The following DSG3 variants were observed in gnomAD, a reference collection of about 807,000 sequenced individuals.
DSG3 encodes desmoglein-3.
DSG3 carries 63 observed loss-of-function variants against 85.9 expected under a neutral mutation model. The ratio of observed to expected loss-of-function variants is 0.73; its 90% CI spans 0.60 to 0.90. The LOEUF (loss-of-function observed/expected upper bound fraction) is 0.90, where lower values mean the gene tolerates loss of function less well. Ranked by LOEUF, DSG3 falls within the 40% of genes least tolerant of loss-of-function variation. DSG3 has a pLI of 0.00. For missense variants in DSG3, 1,220 were observed against 1,219.9 expected, an observed-to-expected ratio of 1.00 and a Z score of 0.00; for synonymous variants, 447 against 441.9, an observed-to-expected ratio of 1.01 and a Z score of -0.14.
intron 7 of DSG3, 96 bp from the exon 8 acceptor site, chr18:31,461,131 A>G (rs1389503372): frequency 7.9e-7 from 1 of 1,265,180 alleles, no homozygotes; most frequent in Non-Finnish European, 1.1e-6. Context: ...AAGGAAATAC[A>G]TAATTTGAGA....
chr18:31,472,471 T>C (rs2072862100), intron 13 of DSG3, 48 bp downstream of exon 13: 1 of 1,579,680 alleles, frequency 6.3e-7, no homozygotes, highest in Non-Finnish European at 8.6e-7. Context: ...ATAGAGAAAA[T>C]GTTTGATTTA....
At chr18:31,451,795 C>T (rs1470569720) in intron 1 of DSG3, among the ~76,000 whole-genome samples, 3 of 152,172 alleles carry the variant, frequency 2.0e-5, no homozygotes, top group Non-Finnish European at 2.9e-5. Context: ...TACCTGAAAC[C>T]GGTTTTCATC....
At position 31,464,189 on chromosome 18, in the gene DSG3, A is replaced by C; in HGVS notation, c.1078A>C (p.Ile360Leu). Reference sequence around the variant, plus strand: ...CAAAGCTGAATTTCACCAATCAGTTATCTCTCGATACCGAGTTCAGTCAAC... The same window carrying C: ...CAAAGCTGAATTTCACCAATCAGTTCTCTCTCGATACCGAGTTCAGTCAAC... The part of the protein sequence containing the change: ...KNKAEFHQSV[I>L]SRYRVQSTPV... The change falls in exon 9 of 16, where the codon ATC becomes CTC. Residue 360 changes from isoleucine (I) to leucine (L), a missense_variant. By Grantham distance (5) the Ile-to-Leu change is conservative (BLOSUM62 2). Transcript: ENST00000257189. 6.2e-7 allele frequency: 1 copy of C among 1,614,162 alleles called. No homozygotes were observed. The highest frequency in any genetic ancestry group is 8.5e-7 in the Non-Finnish European group (1 of 1,180,008).
Position 31,469,209 on chromosome 18 carries a change from T to G in DSG3, c.1757T>G (p.Val586Gly), listed in dbSNP as rs922534850. 39 of 1,614,008 alleles carry G rather than the reference T, an allele frequency of 2.4e-5. No homozygotes were observed. The highest frequency in any genetic ancestry group is 3.1e-5 in the Non-Finnish European group (37 of 1,180,032). The change falls in exon 12 of 16, where the codon GTC (valine) becomes GGC (glycine). Residue 586 changes from valine to glycine, a missense_variant. By Grantham distance (109) the Val-to-Gly change is moderately radical (BLOSUM62 -3). Transcript: ENST00000257189. ...CEMPRSLTLEVCQCDNRGICG... is the reference protein window; with the variant it reads ...CEMPRSLTLEGCQCDNRGICG... ...ATGCCACGCAGCTTGACACTGGAAGTCTGTCAGTGTGACAACAGGGGCATC... is the reference window on the plus strand; with the variant it reads ...ATGCCACGCAGCTTGACACTGGAAGGCTGTCAGTGTGACAACAGGGGCATC...
intron 10 of DSG3, among the ~76,000 whole-genome samples, chr18:31,465,835 T>C (rs767639599): frequency 9.9e-5 from 15 of 152,202 alleles, no homozygotes; most frequent in Non-Finnish European, 2.1e-4. Flanking sequence ...TCATGTACTT[T>C]TATCATTGAA....
intron 11 of DSG3, 117 bp downstream of exon 11, chr18:31,466,871 A>T (rs1215959194): frequency 1.2e-6 from 1 of 825,134 alleles, no homozygotes; most frequent in Non-Finnish European, 1.9e-6. Flanking sequence ...AATTCTTTGC[A>T]ATGAAGATGT....
In DSG3 at chr18:31,477,696, T is replaced by C. The variant is rs1405447658; in HGVS notation, c.*1436T>C. On this transcript the variant is annotated 3_prime_UTR_variant, in exon 16 of 16. Transcript: ENST00000257189. ...GCAAAGGTTTAGATGTATCACTTCA[T>C]GCATGCTACCATGATAGTAATGCAG... The C allele has an allele frequency of 3.3e-5, 5 of 152,220 alleles. No homozygotes were observed. The highest frequency in any genetic ancestry group is 7.2e-5 in the African/African-American group (3 of 41,452). 9.4% of individuals were successfully genotyped at this position (152,220 alleles called of 1,614,324 possible).
At chr18:31,458,282 T>A (rs1459860904) in intron 3 of DSG3, among the ~76,000 whole-genome samples, 163 bp from the exon 4 acceptor site, 2 of 152,176 alleles carry the variant, frequency 1.3e-5, no homozygotes, top group Non-Finnish European at 2.9e-5. Flanking sequence ...AACGGTTTGA[T>A]TTTATTTCAT....
In DSG3 at chr18:31,464,342, G is replaced by C. The variant is rs1283959707; in HGVS notation, c.1231G>C (p.Ala411Pro). ...LVDYILGTYQ[A>P]IDEDTNKAAS... Reference sequence around the variant, plus strand: ...GGATTATATCCTGGGAACATATCAAGCCATCGATGAGGACACTAACAAAGC... The same window carrying C: ...GGATTATATCCTGGGAACATATCAACCCATCGATGAGGACACTAACAAAGC... The change falls in exon 9 of 16, where the codon GCC (alanine) becomes CCC (proline). Residue 411 changes from alanine (A) to proline (P), a missense_variant. By Grantham distance (27) the Ala-to-Pro change is conservative (BLOSUM62 -1). Coordinates refer to ENST00000257189, the MANE Select transcript of DSG3 (RefSeq NM_001944.3). 1 of 1,613,850 alleles carries C rather than the reference G, an allele frequency of 6.2e-7. No homozygotes were observed. The highest frequency in any genetic ancestry group is 1.3e-5 in the African/African-American group (1 of 74,910).
intron 1 of DSG3, among the ~76,000 whole-genome samples, chr18:31,453,573 C>A (rs2072724140): frequency 6.6e-6 from 1 of 152,146 alleles, no homozygotes; most frequent in Non-Finnish European, 1.5e-5. Flanking sequence ...TATCAAATTG[C>A]TTTATTTCAT....
Position 31,470,905 on chromosome 18 carries a change from T to C in DSG3, c.1898-1379T>C, listed in dbSNP as rs529660392. On this transcript the variant is annotated intron_variant, in intron 12 of 15. Coordinates refer to ENST00000257189, the MANE Select transcript of DSG3 (RefSeq NM_001944.3). ...AAGTGAAGGAGCAACAGAGAATGCA[T>C]TGGGACTAATTTGAAAGGGCTACAT... is the stretch of plus-strand genomic sequence containing the variant. Among the ~76,000 whole-genome samples the C allele has an allele frequency of 3.2e-4, 48 of 152,274 alleles. 1 individual carries two copies. The South Asian group carries it at 9.3e-3, about 30-fold the overall frequency.
chr18:31,456,548 G>T, intron 2 of DSG3, 73 bp downstream of exon 2: 1 of 781,604 alleles, frequency 1.3e-6, no homozygotes, highest in Non-Finnish European at 1.8e-6. Flanking sequence ...GTGTTTAGTA[G>T]AAATGAATAT....
At chr18:31,469,431 A>T in intron 12 of DSG3, 82 bp downstream of exon 12, 1 of 1,540,192 alleles carries the variant, frequency 6.5e-7, no homozygotes. Flanking sequence ...TCATCTGTGC[A>T]ATGGGGAAAG....
intron 8 of DSG3, among the ~76,000 whole-genome samples, chr18:31,461,755 C>T (rs1366848656): frequency 6.6e-6 from 1 of 152,114 alleles, no homozygotes; most frequent in Non-Finnish European, 1.5e-5. Context: ...ATCTCATTTG[C>T]AACAATCAGA....
In DSG3 at chr18:31,475,792, C is replaced by T; in HGVS notation, c.2532C>T (p.Ser844=). ...CSFIADDLDD[S]FLDSLGPKFK... is the part of the protein sequence containing the mutation. Reference sequence around the variant, plus strand: ...TTATTGCTGATGACCTGGATGACAGCTTCTTGGACTCACTTGGACCCAAAT... The same window carrying T: ...TTATTGCTGATGACCTGGATGACAGTTTCTTGGACTCACTTGGACCCAAAT... Residue 844 remains serine (S), a synonymous_variant, in exon 16 of 16, where the codon AGC becomes AGT. Coordinates refer to ENST00000257189, the MANE Select transcript of DSG3 (RefSeq NM_001944.3). 1.9e-6 allele frequency: 3 copies of T among 1,614,164 alleles called. No homozygotes were observed. The highest frequency in any genetic ancestry group is 1.1e-5 in the South Asian group (1 of 91,074).
chr18:31,470,003 A>G (rs997515350), intron 12 of DSG3, among the ~76,000 whole-genome samples: 12 of 152,124 alleles, frequency 7.9e-5, no homozygotes, highest in African/African-American at 2.9e-4. Context: ...AAGTTTATTA[A>G]ACACATTTAG....
At chr18:31,465,614 G>A (rs1017262314) in intron 10 of DSG3, among the ~76,000 whole-genome samples, 157 bp downstream of exon 10, 45 of 152,166 alleles carry the variant, frequency 3.0e-4, no homozygotes, top group African/African-American at 1.0e-3. Context: ...AGCTGAATCC[G>A]GGAGAGAAAA....
intron 1 of DSG3, among the ~76,000 whole-genome samples, chr18:31,454,890 C>T (rs914122796): frequency 6.6e-6 from 1 of 151,476 alleles, no homozygotes; most frequent in Non-Finnish European, 1.5e-5. Flanking sequence ...CCCTGTTACT[C>T]GGGAGGCTAA....
chr18:31,469,552 A>G (rs1029570319), intron 12 of DSG3, among the ~76,000 whole-genome samples: 7 of 152,204 alleles, frequency 4.6e-5, no homozygotes, highest in Non-Finnish European at 7.3e-5. Context: ...ATAGCAACAC[A>G]AGTTATATAT....
Sources: gnomAD v4.1 joint callset for allele counts (sites outside exome capture counted in the v4.1 genomes callset) on GRCh38, gnomAD v4.1.1 for gene constraint, MANE v1.5 for transcripts, NCBI Gene and HGNC (gene_info 2026-07-23, HGNC 2026-07-21) for gene names.